The following MEGF8 variants were observed in gnomAD, a reference collection of about 807,000 sequenced individuals.
MEGF8 encodes multiple EGF like domains 8.
Under a neutral mutation model 302.9 loss-of-function variants are expected in MEGF8, and 156 were observed. The ratio of observed to expected loss-of-function variants is 0.52; its 90% confidence interval spans 0.45 to 0.59. The LOEUF is 0.59. Among genes scored for constraint, MEGF8 ranks in the 20% least tolerant of loss-of-function variants. The probability of loss-of-function intolerance (pLI) is 0.00; values close to 1 mark genes in which losing one functional copy is unlikely to be tolerated. For synonymous variants in MEGF8, 1,621 were observed against 1,660.5 expected (o/e 0.98, Z 0.58); for missense variants, 3,345 against 3,964.5 (o/e 0.84, Z 4.20).
rs2039396454 is a variant in MEGF8 at position 42,352,865 on chromosome 19, T to C, written c.3351-63T>C. ...ATGGTGTCATGGTGGGTGGAGATGATGGGGTGCTTTAGGGGCTCTGGGCCT... is the reference window on the plus strand; with the variant it reads ...ATGGTGTCATGGTGGGTGGAGATGACGGGGTGCTTTAGGGGCTCTGGGCCT... On this transcript the variant is annotated intron_variant, in intron 19 of 41. Coordinates refer to ENST00000251268, the MANE Select transcript of MEGF8 (RefSeq NM_001271938.2). The surrounding 1 kb of genome is among the most constrained non-coding windows in gnomAD (Gnocchi z 4.4). 1.6e-6 allele frequency: 2 copies of C among 1,220,888 alleles called. No homozygotes were observed. The highest frequency in any genetic ancestry group is 2.3e-6 in the Non-Finnish European group (2 of 854,986). 75.6% of individuals were successfully genotyped at this position (1,220,888 alleles called of 1,614,324 possible). A position where few individuals can be genotyped will look rare whatever the true frequency, so the allele number is the denominator to read the frequency against.
chr19:42,344,884 G>T lies in MEGF8; in HGVS notation c.2097+51G>T. The T allele has an allele frequency of 6.9e-7, 1 of 1,457,852 alleles. No homozygotes were observed. The highest frequency in any genetic ancestry group is 9.1e-7 in the Non-Finnish European group (1 of 1,098,028). The allele number at this position is 1,457,852 out of a possible 1,614,324, so 90.3% of individuals were successfully genotyped here. A position where few individuals can be genotyped will look rare whatever the true frequency, so the allele number is the denominator to read the frequency against. ...GGGGTGTTGATGATCCTGATCCTAGGGTTTGTTTTTTCTCAAATGCATCTT... is the reference window on the plus strand; with the variant it reads ...GGGGTGTTGATGATCCTGATCCTAGTGTTTGTTTTTTCTCAAATGCATCTT... On this transcript the variant is annotated intron_variant, in intron 12 of 41. Coordinates refer to ENST00000251268, the MANE Select transcript of MEGF8 (RefSeq NM_001271938.2). This position sits in a 1 kb window ranked among gnomAD's most constrained non-coding sequence, Gnocchi z 4.5.
intron 8 of MEGF8, among the ~76,000 whole-genome samples, chr19:42,337,424 C>A (rs1317708343): frequency 6.6e-6 from 1 of 152,160 alleles, no homozygotes; most frequent in East Asian, 1.9e-4. Context: ...GGTTCCAATC[C>A]AGGTTTTGCC....
At position 42,357,145 on chromosome 19, in the gene MEGF8, T is replaced by G. The variant is rs1421581906; in HGVS notation, c.4830+164T>G. On this transcript the variant is annotated intron_variant, in intron 27 of 41. Transcript: ENST00000251268. This position sits in a 1 kb window ranked among gnomAD's most constrained non-coding sequence, Gnocchi z 5.2. ...CTGTTGTCCTGAGCCAGTCCTGGGC[T>G]GGGACACAGCTTCACTCAGCAGCAG... is the stretch of plus-strand genomic sequence containing the variant. Among the ~76,000 whole-genome samples the G allele has an allele frequency of 2.6e-5, 4 of 152,184 alleles. No homozygotes were observed. The highest frequency in any genetic ancestry group is 5.9e-5 in the Non-Finnish European group (4 of 68,018).
chr19:42,353,201 T>C lies in MEGF8; in HGVS notation c.3550+74T>C. 1 of 1,382,474 alleles carries C rather than the reference T, an allele frequency of 7.2e-7. No homozygotes were observed. Among genetic ancestry groups the C allele is most frequent in the Non-Finnish European group, 9.7e-7 (1 of 1,030,948 alleles). 85.6% of individuals were successfully genotyped at this position (1,382,474 alleles called of 1,614,324 possible). ...CCTTCTTGGGGCTCCAGTTTGCTCTTCTTGGAGGGGGCCTCAGTGTCCTCT... is the reference window on the plus strand; with the variant it reads ...CCTTCTTGGGGCTCCAGTTTGCTCTCCTTGGAGGGGGCCTCAGTGTCCTCT... On this transcript the variant is annotated intron_variant, in intron 20 of 41. Coordinates refer to ENST00000251268, the MANE Select transcript of MEGF8 (RefSeq NM_001271938.2). The surrounding 1 kb of genome is among the most constrained non-coding windows in gnomAD (Gnocchi z 6.1).
intron 35 of MEGF8, among the ~76,000 whole-genome samples, chr19:42,367,376 C>T (rs1178892836): frequency 1.3e-5 from 2 of 151,688 alleles, no homozygotes; most frequent in African/African-American, 2.4e-5. Context: ...GCAAGCTCCA[C>T]CTCCCGGGTT....
rs2039108454 is a variant in MEGF8 at position 42,335,151 on chromosome 19, C to T, written c.675C>T (p.Phe225=). 1.2e-6 allele frequency: 2 copies of T among 1,613,878 alleles called. No individual in the cohort carries two copies. The highest frequency in any genetic ancestry group is 1.7e-6 in the Non-Finnish European group (2 of 1,179,884). ...WHNVSARDPA[F]SARIGAAGAF... ...ACGTGAGTGCCAGGGACCCTGCCTT[C>T]TCTGCCCGTATTGGGGCAGCTGGCG... is the stretch of plus-strand genomic sequence containing the variant. The change falls in exon 4 of 42, where the codon TTC becomes TTT. Residue 225 remains phenylalanine, a synonymous_variant. Transcript: ENST00000251268.
Position 42,375,464 on chromosome 19 carries a change from C to A in MEGF8, c.7270-43C>A. 1 of 1,505,748 alleles carries A rather than the reference C, an allele frequency of 6.6e-7. No individual in the cohort carries two copies. The highest frequency in any genetic ancestry group is 1.3e-5 in the South Asian group (1 of 77,242). The allele number at this position is 1,505,748 out of a possible 1,614,324, so 93.3% of individuals were successfully genotyped here. A position where few individuals can be genotyped will look rare whatever the true frequency, so the allele number is the denominator to read the frequency against. On this transcript the variant is annotated intron_variant, in intron 41 of 41. Transcript: ENST00000251268. The surrounding 1 kb of genome is among the most constrained non-coding windows in gnomAD (Gnocchi z 7.1). ...TGCTGCTTGGGGGACAGGCTGGCAC[C>A]GCACTCAGCCCTGATGGTCACCGCC...
chr19:42,371,225 C>T (rs926741908), intron 40 of MEGF8, 125 bp from the exon 41 acceptor site: 1 of 1,334,716 alleles, frequency 7.5e-7, no homozygotes, highest in African/African-American at 1.5e-5. Flanking sequence ...GGGCAAACAG[C>T]TTGACCTCTG....
In MEGF8 at chr19:42,352,664, G is replaced by A. The variant is rs1194272233; in HGVS notation, c.3350+208G>A. The stretch of plus-strand genomic sequence containing the variant: ...TTACCATGGAAATGGGGCACCCATA[G>A]GCTGTGGGCCATAGTCTTCAGCGTT... On this transcript the variant is annotated intron_variant, in intron 19 of 41. Coordinates refer to ENST00000251268, the MANE Select transcript of MEGF8 (RefSeq NM_001271938.2). The surrounding 1 kb of genome is among the most constrained non-coding windows in gnomAD (Gnocchi z 4.4). 4.2e-6 allele frequency: 3 copies of A among 706,496 alleles called. No homozygotes were observed. Among genetic ancestry groups the A allele is most frequent in the Middle Eastern group, 4.1e-4 (1 of 2,462 alleles). The allele number at this position is 706,496 out of a possible 1,614,324, so 43.8% of individuals were successfully genotyped here.
At position 42,326,079 on chromosome 19, in the gene MEGF8, G is replaced by A. The variant is rs878922893; in HGVS notation, c.-165G>A. 2 of 1,177,228 alleles carry A rather than the reference G, an allele frequency of 1.7e-6. No homozygotes were observed. Among genetic ancestry groups the A allele is most frequent in the South Asian group, 4.2e-5 (2 of 47,582 alleles). 72.9% of individuals were successfully genotyped at this position (1,177,228 alleles called of 1,614,324 possible). On this transcript the variant is annotated 5_prime_UTR_variant, in exon 1 of 42. Transcript: ENST00000251268. ...TCGGCTTCCAGAGCCTGTCAGCAGT[G>A]GCCGTACCCTTCGCCGGGACTGCCG...
intron 12 of MEGF8, among the ~76,000 whole-genome samples, chr19:42,345,330 A>G (rs2039274337): frequency 6.6e-6 from 1 of 152,246 alleles, no homozygotes; most frequent in African/African-American, 2.4e-5. Context: ...AAAATTTTTC[A>G]TCAGTGACAT....
chr19:42,347,134 G>C (rs978746837), intron 12 of MEGF8, among the ~76,000 whole-genome samples: 3 of 151,910 alleles, frequency 2.0e-5, no homozygotes, highest in African/African-American at 7.3e-5. Flanking sequence ...ATACCTCCCT[G>C]GAAGATCCAT....
rs564354397 is a variant in MEGF8 at position 42,352,023 on chromosome 19, A to T, written c.3102-185A>T. ...TCTCCCTTTCACTGCATCTCTGTCT[A>T]TGTCTCTCTTCTGTCTTCCAAAATT... On this transcript the variant is annotated intron_variant, in intron 18 of 41. Coordinates refer to ENST00000251268, the MANE Select transcript of MEGF8 (RefSeq NM_001271938.2). This position sits in a 1 kb window ranked among gnomAD's most constrained non-coding sequence, Gnocchi z 4.4. Among the ~76,000 whole-genome samples the T allele has an allele frequency of 6.6e-6, 1 of 150,670 alleles. No individual in the cohort carries two copies. Among genetic ancestry groups the T allele is most frequent in the African/African-American group, 2.4e-5 (1 of 40,896 alleles).
At chr19:42,338,859 G>C (rs1600023654) in intron 8 of MEGF8, among the ~76,000 whole-genome samples, 1 of 112,718 alleles carries the variant, frequency 8.9e-6, no homozygotes, top group East Asian at 2.5e-4. Context: ...TTTTGAGACG[G>C]AGTTTCGCTC....
Position 42,356,098 on chromosome 19 carries a change from A to G in MEGF8, c.4408A>G (p.Ile1470Val). ...GTCNQSLGVC[I>V]CAEGFGGPDC... ...CATCCCCCAGAGCCTGGGTGTGTGC[A>G]TCTGTGCCGAGGGCTTCGGGGGCCC... The change falls in exon 25 of 42, where the codon ATC becomes GTC. Residue 1470 changes from isoleucine to valine, a missense_variant. Physicochemically the swap from Ile to Val is conservative, Grantham distance 29. Coordinates refer to ENST00000251268, the MANE Select transcript of MEGF8 (RefSeq NM_001271938.2). The surrounding 1 kb of genome is among the most constrained non-coding windows in gnomAD (Gnocchi z 5.2). The G allele has an allele frequency of 1.3e-6, 2 of 1,588,692 alleles. No homozygotes were observed. The highest frequency in any genetic ancestry group is 1.7e-6 in the Non-Finnish European group (2 of 1,165,540).
At position 42,326,096 on chromosome 19, in the gene MEGF8, G is replaced by A; in HGVS notation, c.-148G>A. The stretch of plus-strand genomic sequence containing the variant: ...TCAGCAGTGGCCGTACCCTTCGCCG[G>A]GACTGCCGGGTCTCCGGGACCTCTT... On this transcript the variant is annotated 5_prime_UTR_variant, in exon 1 of 42. Transcript: ENST00000251268. The A allele has an allele frequency of 1.5e-6, 2 of 1,301,504 alleles. No individual in the cohort carries two copies. Among genetic ancestry groups the A allele is most frequent in the African/African-American group, 1.6e-5 (1 of 64,040 alleles). The allele number at this position is 1,301,504 out of a possible 1,614,324, so 80.6% of individuals were successfully genotyped here.
chr19:42,344,253 C>T lies in MEGF8; in HGVS notation c.1788+180C>T, dbSNP rs922684080. ...GAACCTTTGCCTATCCCACCCAGCC[C>T]GACCCTTTTGAGCCCGTGACCCCAT... On this transcript the variant is annotated intron_variant, in intron 10 of 41. Transcript: ENST00000251268. This position sits in a 1 kb window ranked among gnomAD's most constrained non-coding sequence, Gnocchi z 4.5. Among the ~76,000 whole-genome samples the T allele has an allele frequency of 2.0e-5, 3 of 151,798 alleles. No homozygotes were observed. Among genetic ancestry groups the T allele is most frequent in the Non-Finnish European group, 2.9e-5 (2 of 67,914 alleles).
At position 42,351,259 on chromosome 19, in the gene MEGF8, A is replaced by C; in HGVS notation, c.2780A>C (p.Asp927Ala). ...EWHQSTSRKG[D>A]AACSRRGRGR... is the part of the protein sequence containing the mutation. ...CATCAGAGCACCAGCCGCAAAGGGG[A>C]CGCGGCATGCAGCCGGCGGGGCCGG... The change falls in exon 16 of 42, where the codon GAC (aspartate) becomes GCC (alanine). Residue 927 changes from aspartate to alanine, a missense_variant. Physicochemically the swap from Asp to Ala is moderately radical, Grantham distance 126. Coordinates refer to ENST00000251268, the MANE Select transcript of MEGF8 (RefSeq NM_001271938.2). The surrounding 1 kb of genome is among the most constrained non-coding windows in gnomAD (Gnocchi z 5.6). 6.4e-7 allele frequency: 1 copy of C among 1,572,536 alleles called. No homozygotes were observed. Among genetic ancestry groups the C allele is most frequent in the Non-Finnish European group, 8.6e-7 (1 of 1,158,700 alleles).
At position 42,358,128 on chromosome 19, in the gene MEGF8, C is replaced by G. The variant is rs1355803516; in HGVS notation, c.5012-16C>G. The G allele has an allele frequency of 1.3e-6, 2 of 1,547,536 alleles. No homozygotes were observed. The highest frequency in any genetic ancestry group is 1.7e-6 in the Non-Finnish European group (2 of 1,148,350). ...TGTCAGCCCCTCCCCCAGCCTGTCACCCTGCCCCTCACCAGGTCTCTATGG... is the reference window on the plus strand; with the variant it reads ...TGTCAGCCCCTCCCCCAGCCTGTCAGCCTGCCCCTCACCAGGTCTCTATGG... On this transcript the variant is annotated splice_polypyrimidine_tract_variant and intron_variant, in intron 28 of 41. Coordinates refer to ENST00000251268, the MANE Select transcript of MEGF8 (RefSeq NM_001271938.2). The surrounding 1 kb of genome is among the most constrained non-coding windows in gnomAD (Gnocchi z 4.4).
Sources: allele counts gnomAD v4.1 joint callset (sites outside exome capture counted in the v4.1 genomes callset), GRCh38; gene constraint gnomAD v4.1.1; non-coding constraint Gnocchi (gnomAD v3.1); transcripts MANE v1.5; gene names NCBI Gene and HGNC (gene_info 2026-07-23, HGNC 2026-07-21).